Variants in TOMM40 observed in about 807,000 individuals in gnomAD.
TOMM40 encodes translocase of outer mitochondrial membrane 40.
In TOMM40, 9 loss-of-function variants were observed where a neutral mutation model predicts 38.4. The ratio of observed to expected loss-of-function variants is 0.23; its 90% CI spans 0.14 to 0.41. The LOEUF is 0.41. Among genes scored for constraint, TOMM40 ranks in the 10% least tolerant of loss-of-function variants. The probability of loss-of-function intolerance (pLI) is 1.00; values close to 1 mark genes in which losing one functional copy is unlikely to be tolerated. For synonymous variants in TOMM40, 184 were observed against 210.0 expected, an observed-to-expected ratio of 0.88 and a Z score of 1.07; for missense variants, 299 against 486.5, an observed-to-expected ratio of 0.61 and a Z score of 3.63.
chr19:44,899,791 CTT>C (rs10524523), intron 5 of TOMM40, among the ~76,000 whole-genome samples: 36 of 90,932 alleles, frequency 4.0e-4, no homozygotes, highest in African/African-American at 9.3e-4. Flanking sequence ...TTGCATCTGG[CTT>C]TTTTTTTTTT....
intron 1 of TOMM40, 46 bp downstream of exon 1, chr19:44,891,735 G>A: frequency 7.2e-7 from 1 of 1,394,574 alleles, no homozygotes; most frequent in South Asian, 1.5e-5. Context: ...CCTGGATCTC[G>A]GGGGAAGGGG....
At chr19:44,891,719 CGATGGCCTG>C in intron 1 of TOMM40, 30 bp downstream of exon 1, 2 of 1,415,476 alleles carry the variant, frequency 1.4e-6, no homozygotes, top group Non-Finnish European at 1.8e-6. Flanking sequence ...CGCTGGGCTG[CGATGGCCTG>C]GATCTCGGGG....
chr19:44,892,961 C>T (rs1969496251), intron 3 of TOMM40, 32 bp downstream of exon 3: 1 of 1,573,408 alleles, frequency 6.4e-7, no homozygotes, highest in Non-Finnish European at 8.7e-7. Context: ...TTCATTGTAT[C>T]CTTCTAATAA....
chr19:44,894,859 G>A lies in TOMM40; in HGVS notation c.643+793G>A, dbSNP rs966253360. Among the ~76,000 whole-genome samples the A allele has an allele frequency of 3.3e-5, 5 of 152,166 alleles. No individual in the cohort carries two copies. In the South Asian group the frequency reaches 8.3e-4, roughly 25 times the overall value. ...CGCTCTGAGTGAGTCTGGGGCTTTC[G>A]GAAACCAAGGCATAGCTTCTCACAG... On this transcript the variant is annotated intron_variant, in intron 5 of 8. Coordinates refer to ENST00000426677, the MANE Select transcript of TOMM40 (RefSeq NM_001128917.2).
At chr19:44,895,738 G>A (rs1028708073) in intron 5 of TOMM40, among the ~76,000 whole-genome samples, 1 of 152,030 alleles carries the variant, frequency 6.6e-6, no homozygotes, top group African/African-American at 2.4e-5. Flanking sequence ...GTAGAGACAG[G>A]TTTTCGCCAT....
intron 6 of TOMM40, 56 bp downstream of exon 6, chr19:44,900,908 G>A: frequency 1.2e-6 from 2 of 1,608,312 alleles, no homozygotes; most frequent in Non-Finnish European, 1.7e-6. Flanking sequence ...GACTCCTCCT[G>A]GGTCTGAGGG....
chr19:44,891,726 C>G, intron 1 of TOMM40, 37 bp downstream of exon 1: 1 of 1,406,414 alleles, frequency 7.1e-7, no homozygotes, highest in Non-Finnish European at 9.2e-7. Context: ...CTGCGATGGC[C>G]TGGATCTCGG....
intron 5 of TOMM40, among the ~76,000 whole-genome samples, chr19:44,898,511 C>CTTTTTTTTTTTTTTTTT (rs34896370): frequency 2.0e-5 from 2 of 98,536 alleles, no homozygotes; most frequent in Non-Finnish European, 1.9e-5. Context: ...TGTGTTGTTT[C>CTTTTTTTTTTTTTTTTT]TTTTTTTTTT....
intron 5 of TOMM40, among the ~76,000 whole-genome samples, chr19:44,899,769 T>C (rs1969641849): frequency 6.8e-6 from 1 of 146,424 alleles, no homozygotes; most frequent in African/African-American, 2.5e-5. Flanking sequence ...TTGGGATTAC[T>C]GGCATGAGCC....
chr19:44,892,116 G>C (rs577478215), intron 1 of TOMM40, among the ~76,000 whole-genome samples: 5 of 152,166 alleles, frequency 3.3e-5, no homozygotes, highest in South Asian at 2.1e-4. Context: ...TTCATTATAC[G>C]TTAACTCATT....
chr19:44,896,574 C>T (rs1022794248), intron 5 of TOMM40, among the ~76,000 whole-genome samples: 14 of 152,184 alleles, frequency 9.2e-5, no homozygotes, highest in South Asian at 6.2e-4. Flanking sequence ...AAATCAGTTG[C>T]CCAGGGTGAC....
intron 5 of TOMM40, among the ~76,000 whole-genome samples, chr19:44,900,140 A>AG (rs1969651844): frequency 6.6e-6 from 1 of 152,150 alleles, no homozygotes; most frequent in African/African-American, 2.4e-5. Flanking sequence ...CCTACGGTGG[A>AG]GGGACACAGG....
At position 44,891,504 on chromosome 19, in the gene TOMM40, C is replaced by T. The variant is rs776994740; in HGVS notation, c.89C>T (p.Pro30Leu). 5.8e-6 allele frequency: 8 copies of T among 1,390,212 alleles called. No individual in the cohort carries two copies. The highest frequency in any genetic ancestry group is 1.5e-5 in the African/African-American group (1 of 66,816). 86.1% of individuals were successfully genotyped at this position (1,390,212 alleles called of 1,614,324 possible). Residue 30 changes from proline (P) to leucine (L), a missense_variant, in exon 1 of 9, where the codon CCC becomes CTC. Physicochemically the swap from Pro to Leu is moderately conservative, Grantham distance 98. Coordinates refer to ENST00000426677, the MANE Select transcript of TOMM40 (RefSeq NM_001128917.2). ...PALVGLPPPP[P>L]SPPGFTLPPL... Reference sequence around the variant, plus strand: ...CTCGTGGGGCTGCCGCCACCTCCGCCCTCGCCGCCGGGCTTCACGCTGCCG... The same window carrying T: ...CTCGTGGGGCTGCCGCCACCTCCGCTCTCGCCGCCGGGCTTCACGCTGCCG...
intron 5 of TOMM40, among the ~76,000 whole-genome samples, chr19:44,896,903 G>C (rs1426927429): frequency 1.3e-5 from 2 of 152,168 alleles, no homozygotes; most frequent in Non-Finnish European, 2.9e-5. Flanking sequence ...AAAAAAATTA[G>C]AAATTAGGCA....
intron 5 of TOMM40, among the ~76,000 whole-genome samples, chr19:44,897,920 G>T (rs1417617657): frequency 3.9e-5 from 6 of 152,032 alleles, no homozygotes; most frequent in African/African-American, 1.5e-4. Flanking sequence ...ACTGTGCCCC[G>T]CCCGTGTGAT....
chr19:44,896,281 C>A (rs900288379), intron 5 of TOMM40, among the ~76,000 whole-genome samples: 1 of 152,340 alleles, frequency 6.6e-6, no homozygotes. Flanking sequence ...AGTCTCTTGC[C>A]ACCAACAGCT....
intron 3 of TOMM40, 84 bp downstream of exon 3, chr19:44,893,013 G>A: frequency 8.4e-7 from 1 of 1,187,392 alleles, no homozygotes; most frequent in Non-Finnish European, 1.2e-6. Context: ...GCCTCATCAG[G>A]AAAAGGTCAC....
In TOMM40 at chr19:44,891,307, C is replaced by T. The variant is rs1229948410; in HGVS notation, c.-109C>T. The stretch of plus-strand genomic sequence containing the variant: ...CGGAGCCCAGGCCGGGAGCAGGCGC[C>T]GCCGCCAGTGAGAACCGGGGCCGGA... On this transcript the variant is annotated 5_prime_UTR_variant, in exon 1 of 9. Coordinates refer to ENST00000426677, the MANE Select transcript of TOMM40 (RefSeq NM_001128917.2). The T allele has an allele frequency of 1.9e-5, 23 of 1,203,330 alleles. No homozygotes were observed. Among genetic ancestry groups the T allele is most frequent in the Non-Finnish European group, 2.0e-5 (19 of 968,900 alleles). 74.5% of individuals were successfully genotyped at this position (1,203,330 alleles called of 1,614,324 possible).
chr19:44,896,149 GCCT>G (rs1410422704), intron 5 of TOMM40, among the ~76,000 whole-genome samples: 7 of 152,164 alleles, frequency 4.6e-5, no homozygotes, highest in African/African-American at 1.4e-4. Flanking sequence ...CCCAGCACTG[GCCT>G]CCTGGAGCCC....
Sources: allele counts gnomAD v4.1 joint callset (sites outside exome capture counted in the v4.1 genomes callset), GRCh38; gene constraint gnomAD v4.1.1; transcripts MANE v1.5; gene names NCBI Gene and HGNC (gene_info 2026-07-23, HGNC 2026-07-21).